The following KLHL40 variants were observed in gnomAD, a reference collection of about 807,000 sequenced individuals.
KLHL40 encodes kelch like family member 40.
KLHL40 carries 44 observed loss-of-function variants against 49.7 expected under a neutral mutation model. The observed-to-expected ratio is 0.89, with a 90% CI of 0.70 to 1.14. KLHL40 has a LOEUF of 1.14. Among genes scored for constraint, KLHL40 ranks in the 50% most tolerant of loss-of-function variants. KLHL40 has a pLI of 0.00. For synonymous variants in KLHL40, 409 were observed against 365.2 expected, an observed-to-expected ratio of 1.12 and a Z score of -1.37; for missense variants, 892 against 850.3, an observed-to-expected ratio of 1.05 and a Z score of -0.61.
At position 42,691,094 on chromosome 3, in the gene KLHL40, GC is replaced by G. The variant is rs1252828488; in HGVS notation, c.1754+90del. 14 of 1,361,098 alleles carry G rather than the reference GC, an allele frequency of 1.0e-5. No homozygotes were observed. In the East Asian group the frequency reaches 3.4e-4, roughly 33 times the overall value. 84.3% of individuals were successfully genotyped at this position (1,361,098 alleles called of 1,614,324 possible). A position where few individuals can be genotyped will look rare whatever the true frequency, so the allele number is the denominator to read the frequency against. Reference sequence around the variant, plus strand: ...GGTGGGGTACCAAGGCACTGGGCAAGCTCCTCTGGGGGCAAAGCGGATCCCT... The same window carrying G: ...GGTGGGGTACCAAGGCACTGGGCAAGTCCTCTGGGGGCAAAGCGGATCCCT... On this transcript the variant is annotated intron_variant, in intron 5 of 5. Transcript: ENST00000287777.
chr3:42,686,757 C>T lies in KLHL40; in HGVS notation c.1139C>T (p.Ala380Val). The T allele has an allele frequency of 6.2e-7, 1 of 1,609,362 alleles. No individual in the cohort carries two copies. Among genetic ancestry groups the T allele is most frequent in the Non-Finnish European group, 8.5e-7 (1 of 1,177,964 alleles). Reference protein sequence around the residue: ...NEDNKEDPMSAYFLQFDHLDS... With the variant: ...NEDNKEDPMSVYFLQFDHLDS... ...GACAACAAAGAGGACCCCATGAGCG[C>T]ATACTTCCTGCAGGTGCCTGACCAG... The change falls in exon 1 of 6, where the codon GCA becomes GTA. Residue 380 changes from alanine (A) to valine (V), a missense_variant. Transcript: ENST00000287777.
rs1697386750 is a variant in KLHL40 at position 42,692,297 on chromosome 3, G to A, written c.*304G>A. The stretch of plus-strand genomic sequence containing the variant: ...GCTGGCCCTGCCCCAGCCTAGCTGA[G>A]TGTGCTGGCAAAGTTCCCCACAGGA... On this transcript the variant is annotated 3_prime_UTR_variant, in exon 6 of 6. Coordinates refer to ENST00000287777, the MANE Select transcript of KLHL40 (RefSeq NM_152393.4). The A allele has an allele frequency of 1.3e-5, 6 of 459,458 alleles. No individual in the cohort carries two copies. The South Asian group carries it at 1.8e-4, about 14-fold the overall frequency. The allele number at this position is 459,458 out of a possible 1,614,324, so 28.5% of individuals were successfully genotyped here. A position where few individuals can be genotyped will look rare whatever the true frequency, so the allele number is the denominator to read the frequency against.
rs2125845483 is a variant in KLHL40, at chr3:42,688,687, T to C, written c.1391T>C (p.Val464Ala). Reference protein sequence around the residue: ...GHTVLSHMDLVYVIGGKGSDR... With the variant: ...GHTVLSHMDLAYVIGGKGSDR... ...ACAGTGCTCTCCCACATGGACCTTG[T>C]CTACGTAATTGGCGGCAAAGGCAGT... The change falls in exon 3 of 6, where the codon GTC becomes GCC. Residue 464 changes from valine (V) to alanine (A), a missense_variant. Val to Ala is a moderately conservative substitution (Grantham distance 64, BLOSUM62 0). Transcript: ENST00000287777. The surrounding 1 kb of genome is among the most constrained non-coding windows in gnomAD (Gnocchi z 4.2). 2 of 1,613,992 alleles carry C rather than the reference T, an allele frequency of 1.2e-6. No individual in the cohort carries two copies. The highest frequency in any genetic ancestry group is 2.2e-5 in the East Asian group (1 of 44,868).
In KLHL40 at chr3:42,686,671, C is replaced by A. The variant is rs61736693; in HGVS notation, c.1053C>A (p.His351Gln). Reference protein sequence around the residue: ...ASLSNQVPKNHVSLVTKENQV... With the variant: ...ASLSNQVPKNQVSLVTKENQV... ...TCTCCAACCAGGTCCCCAAGAACCA[C>A]GTCAGCCTGGTTACCAAGGAGAACC... Residue 351 changes from histidine to glutamine, a missense_variant, in exon 1 of 6, where the codon CAC (histidine) becomes CAA (glutamine). By Grantham distance (24) the His-to-Gln change is conservative. Coordinates refer to ENST00000287777, the MANE Select transcript of KLHL40 (RefSeq NM_152393.4). The A allele has an allele frequency of 1.9e-6, 3 of 1,613,878 alleles. No homozygotes were observed. In the African/African-American group the frequency reaches 4.0e-5, roughly 22 times the overall value.
At chr3:42,689,091 A>G (rs1388494027) in intron 4 of KLHL40, 37 bp downstream of exon 4, 5 of 1,567,636 alleles carry the variant, frequency 3.2e-6, no homozygotes, top group Admixed American at 3.4e-5. Context: ...GGACAACTGC[A>G]TGGCTTTGGG....
At chr3:42,690,798 C>T (rs888320168) in intron 4 of KLHL40, 61 bp from the exon 5 acceptor site, 3 of 1,523,616 alleles carry the variant, frequency 2.0e-6, no homozygotes, top group African/African-American at 1.4e-5. Flanking sequence ...TGCTGGGTGG[C>T]AGGGACAGTC....
Position 42,685,566 on chromosome 3 carries a change from G to A in KLHL40, c.-53G>A, listed in dbSNP as rs1415551440. The A allele has an allele frequency of 3.3e-6, 5 of 1,495,642 alleles. No individual in the cohort carries two copies. Among genetic ancestry groups the A allele is most frequent in the Admixed American group, 4.2e-5 (2 of 47,502 alleles). The allele number at this position is 1,495,642 out of a possible 1,614,324, so 92.6% of individuals were successfully genotyped here. ...TAAGCAAACCCCAGCAGGAAAGCAG[G>A]GGTACAGAGAGGAGCCCCCTTGGCA... On this transcript the variant is annotated 5_prime_UTR_variant, in exon 1 of 6. Coordinates refer to ENST00000287777, the MANE Select transcript of KLHL40 (RefSeq NM_152393.4).
In KLHL40 at chr3:42,690,161, T is replaced by C. The variant is rs907552931; in HGVS notation, c.1608-698T>C. Among the ~76,000 whole-genome samples, 9 of 152,124 alleles carry C rather than the reference T, an allele frequency of 5.9e-5. No homozygotes were observed. The South Asian group carries it at 8.3e-4, about 14-fold the overall frequency. Reference sequence around the variant, plus strand: ...CTGGAGGGAGAGATCTGGGGGTCAGTAGCACACGGAGGGGCCAAGCTCCCT... The same window carrying C: ...CTGGAGGGAGAGATCTGGGGGTCAGCAGCACACGGAGGGGCCAAGCTCCCT... On this transcript the variant is annotated intron_variant, in intron 4 of 5. Transcript: ENST00000287777.
chr3:42,686,326 C>T lies in KLHL40; in HGVS notation c.708C>T (p.Ser236=), dbSNP rs1697272285. The change falls in exon 1 of 6, where the codon AGC becomes AGT. Residue 236 remains serine, a synonymous_variant. Coordinates refer to ENST00000287777, the MANE Select transcript of KLHL40 (RefSeq NM_152393.4). ...CRLLPRAFLE[S]RVERHPLVRA... Reference sequence around the variant, plus strand: ...TGCTGCCGCGCGCCTTTCTGGAAAGCCGCGTGGAGCGCCACCCTCTCGTGC... The same window carrying T: ...TGCTGCCGCGCGCCTTTCTGGAAAGTCGCGTGGAGCGCCACCCTCTCGTGC... 2.5e-6 allele frequency: 4 copies of T among 1,607,420 alleles called. No homozygotes were observed. Among genetic ancestry groups the T allele is most frequent in the Non-Finnish European group, 2.5e-6 (3 of 1,177,128 alleles).
At position 42,691,970 on chromosome 3, in the gene KLHL40, G is replaced by A; in HGVS notation, c.1843G>A (p.Val615Met). The A allele has an allele frequency of 5.0e-6, 8 of 1,611,260 alleles. No individual in the cohort carries two copies. The highest frequency in any genetic ancestry group is 6.8e-6 in the Non-Finnish European group (8 of 1,177,396). The part of the protein sequence containing the change: ...GATFLPVRLN[V>M]LCLTKM ...CACCTTCCTACCAGTGCGGCTCAAT[G>A]TGCTGTGCCTGACTAAGATGTGACC... is the stretch of plus-strand genomic sequence containing the variant. The change falls in exon 6 of 6, where the codon GTG (valine) becomes ATG (methionine). Residue 615 changes from valine to methionine, a missense_variant. Transcript: ENST00000287777.
chr3:42,686,012 A>G lies in KLHL40; in HGVS notation c.394A>G (p.Asn132Asp), dbSNP rs200320211. ...CCTGCAGAAGCGCCTGTGCCTCTCC[A>G]ACTGCTTGGCCGTCTTCCGTCTCGG... ...SFLQKRLCLS[N>D]CLAVFRLGLL... is the part of the protein sequence containing the mutation. The change falls in exon 1 of 6, where the codon AAC becomes GAC. Residue 132 changes from asparagine to aspartate, a missense_variant. By Grantham distance (23) the Asn-to-Asp change is conservative. Coordinates refer to ENST00000287777, the MANE Select transcript of KLHL40 (RefSeq NM_152393.4). 6 of 1,610,670 alleles carry G rather than the reference A, an allele frequency of 3.7e-6. No individual in the cohort carries two copies. Among genetic ancestry groups the G allele is most frequent in the African/African-American group, 2.7e-5 (2 of 74,988 alleles).
rs1243975665 is a variant in KLHL40, at chr3:42,686,226, G to A, written c.608G>A (p.Gly203Asp). ...AVFEAVMRWAGSGDAEAQAER... is the reference protein window; with the variant it reads ...AVFEAVMRWADSGDAEAQAER... The stretch of plus-strand genomic sequence containing the variant: ...TTCGAGGCGGTGATGCGGTGGGCGG[G>A]TAGCGGCGACGCCGAGGCGCAGGCT... The change falls in exon 1 of 6, where the codon GGT becomes GAT. Residue 203 changes from glycine to aspartate, a missense_variant. Gly to Asp is a moderately conservative substitution (Grantham distance 94). Coordinates refer to ENST00000287777, the MANE Select transcript of KLHL40 (RefSeq NM_152393.4). 1.3e-6 allele frequency: 2 copies of A among 1,557,230 alleles called. No individual in the cohort carries two copies. Among genetic ancestry groups the A allele is most frequent in the South Asian group, 2.3e-5 (2 of 86,104 alleles).
Position 42,688,780 on chromosome 3 carries a change from G to A in KLHL40, c.1421+63G>A. On this transcript the variant is annotated intron_variant, in intron 3 of 5. Coordinates refer to ENST00000287777, the MANE Select transcript of KLHL40 (RefSeq NM_152393.4). The surrounding 1 kb of genome is among the most constrained non-coding windows in gnomAD (Gnocchi z 4.2). ...TAGAATCTCCCAGAGGCTGTCAGGG[G>A]TTTGTCCTGGCTGCCCCGGCAGGTG... 2 of 1,581,836 alleles carry A rather than the reference G, an allele frequency of 1.3e-6. No individual in the cohort carries two copies. The highest frequency in any genetic ancestry group is 1.7e-6 in the Non-Finnish European group (2 of 1,150,806).
chr3:42,690,150 C>A (rs1697338403), intron 4 of KLHL40, among the ~76,000 whole-genome samples: 1 of 152,106 alleles, frequency 6.6e-6, no homozygotes, highest in African/African-American at 2.4e-5. Context: ...AGGGAGAGAT[C>A]TGGGGGTCAG....
Position 42,690,980 on chromosome 3 carries a change from C to G in KLHL40, c.1729C>G (p.Pro577Ala). Residue 577 changes from proline (P) to alanine (A), a missense_variant, in exon 5 of 6, where the codon CCC becomes GCC. By Grantham distance (27) the Pro-to-Ala change is conservative. Coordinates refer to ENST00000287777, the MANE Select transcript of KLHL40 (RefSeq NM_152393.4). ...TLETESGELV[P>A]TELNDIWRYN... ...GGAGACGGAGTCTGGAGAGCTGGTT[C>G]CCACAGAGCTCAATGACATCTGGAG... 1.9e-6 allele frequency: 3 copies of G among 1,612,260 alleles called. No homozygotes were observed. Among genetic ancestry groups the G allele is most frequent in the Non-Finnish European group, 2.5e-6 (3 of 1,179,018 alleles).
At position 42,688,268 on chromosome 3, in the gene KLHL40, C is replaced by T. The variant is rs577804609; in HGVS notation, c.1279C>T (p.Arg427Cys). 1.1e-5 allele frequency: 17 copies of T among 1,613,852 alleles called. No homozygotes were observed. The highest frequency in any genetic ancestry group is 1.7e-4 in the Middle Eastern group (1 of 6,060). ...TGGCAGAGAGATCAAGGACGGCGAG[C>T]GCTGCCTGGACTCGGTCATGTGCTA... ...VGGREIKDGERCLDSVMCYDR... is the reference protein window; with the variant it reads ...VGGREIKDGECCLDSVMCYDR... Residue 427 changes from arginine to cysteine, a missense_variant, in exon 2 of 6, where the codon CGC becomes TGC. Coordinates refer to ENST00000287777, the MANE Select transcript of KLHL40 (RefSeq NM_152393.4). The surrounding 1 kb of genome is among the most constrained non-coding windows in gnomAD (Gnocchi z 4.2).
In KLHL40 at chr3:42,688,491, G is replaced by T; in HGVS notation, c.1314-119G>T. On this transcript the variant is annotated intron_variant, in intron 2 of 5. Coordinates refer to ENST00000287777, the MANE Select transcript of KLHL40 (RefSeq NM_152393.4). This position sits in a 1 kb window ranked among gnomAD's most constrained non-coding sequence, Gnocchi z 4.2. ...GAACTGAGAGGCCTCGGAAGTTCCA[G>T]CAATGGATCTGACGCATCTCGAATA... 2.0e-6 allele frequency: 2 copies of T among 980,532 alleles called. No homozygotes were observed. Among genetic ancestry groups the T allele is most frequent in the South Asian group, 1.4e-5 (1 of 71,148 alleles). The allele number at this position is 980,532 out of a possible 1,614,324, so 60.7% of individuals were successfully genotyped here.
chr3:42,688,575 G>A lies in KLHL40; in HGVS notation c.1314-35G>A. 6.6e-7 allele frequency: 1 copy of A among 1,521,270 alleles called. No homozygotes were observed. Among genetic ancestry groups the A allele is most frequent in the African/African-American group, 1.4e-5 (1 of 73,090 alleles). 94.2% of individuals were successfully genotyped at this position (1,521,270 alleles called of 1,614,324 possible). On this transcript the variant is annotated intron_variant, in intron 2 of 5. Transcript: ENST00000287777. The surrounding 1 kb of genome is among the most constrained non-coding windows in gnomAD (Gnocchi z 4.2). ...CAGGGACTGAGCCGAGCCTGGATGG[G>A]TGCCCTCCCCCACCCCCACTCCCGT...
At chr3:42,691,734 G>T (rs1488379856) in intron 5 of KLHL40, 148 bp from the exon 6 acceptor site, 2 of 626,498 alleles carry the variant, frequency 3.2e-6, no homozygotes, top group East Asian at 2.8e-5. Context: ...CTTGTGGGGG[G>T]TCTCCTTTCC....
Sources: allele counts gnomAD v4.1 joint callset (sites outside exome capture counted in the v4.1 genomes callset), GRCh38; gene constraint gnomAD v4.1.1; non-coding constraint Gnocchi (gnomAD v3.1); transcripts MANE v1.5; gene names NCBI Gene and HGNC (gene_info 2026-07-23, HGNC 2026-07-21).